Variants in L3MBTL4 observed in about 807,000 individuals in gnomAD.
The protein encoded by L3MBTL4 is lethal(3)malignant brain tumor-like protein 4.
Under a neutral mutation model 84.5 loss-of-function variants are expected in L3MBTL4, and 70 were observed. That is an observed-to-expected ratio of 0.83 (90% CI 0.68 to 1.01). The LOEUF is 1.01. L3MBTL4 is among the 50% of genes least tolerant of loss of function. The pLI is 0.00. For synonymous variants in L3MBTL4, 274 were observed against 259.8 expected, an observed-to-expected ratio of 1.05 and a Z score of -0.52; for missense variants, 715 against 754.8, an observed-to-expected ratio of 0.95 and a Z score of 0.62.
intron 1 of L3MBTL4, among the ~76,000 whole-genome samples, chr18:6,338,713 T>C (rs2052461483): frequency 6.6e-6 from 1 of 151,996 alleles, no homozygotes; most frequent in Non-Finnish European, 1.5e-5. Context: ...AGAGTGGATG[T>C]TAGAAACCTA....
chr18:6,304,367 A>C (rs976544904), intron 3 of L3MBTL4, among the ~76,000 whole-genome samples: 2 of 152,250 alleles, frequency 1.3e-5, no homozygotes, highest in African/African-American at 4.8e-5. Context: ...GGTAGATTTC[A>C]CATCCAAAGT....
rs79709535 is a variant in L3MBTL4 at position 6,384,881 on chromosome 18, T to C, written c.-91+29920A>G. Among the ~76,000 whole-genome samples, 1,446 of 152,174 alleles carry C rather than the reference T, an allele frequency of 9.5e-3. 33 individuals are homozygous for C. Among genetic ancestry groups the C allele is most frequent in the African/African-American group, 0.033 (1,353 of 41,516 alleles). Reference sequence around the variant, plus strand: ...GACAAGAAGAGCAAGAGGTATGCCATGTTCAAAAGAGAAAGGACAACTCGT... The same window carrying C: ...GACAAGAAGAGCAAGAGGTATGCCACGTTCAAAAGAGAAAGGACAACTCGT... On this transcript the variant is annotated intron_variant, in intron 1 of 18. Transcript: ENST00000317931.
chr18:6,399,053 T>C (rs940109815), intron 1 of L3MBTL4, among the ~76,000 whole-genome samples: 4 of 152,188 alleles, frequency 2.6e-5, no homozygotes, highest in Non-Finnish European at 1.5e-5. Context: ...TGGTTTCCAA[T>C]GTACTTTTCC....
chr18:6,208,425 G>T (rs1330503516), intron 12 of L3MBTL4, among the ~76,000 whole-genome samples: 1 of 152,176 alleles, frequency 6.6e-6, no homozygotes, highest in Admixed American at 6.5e-5. Context: ...TCCAGTTAAT[G>T]CATTAAATAG....
intron 3 of L3MBTL4, among the ~76,000 whole-genome samples, chr18:6,303,578 G>A (rs762877197): frequency 3.9e-5 from 6 of 152,168 alleles, no homozygotes; most frequent in African/African-American, 1.2e-4. Context: ...TTCTTATATA[G>A]TTTTGGGATA....
chr18:6,131,135 ACTGTTTACTTCCTTTCAAAACACCAAGG>A (rs2144526689), intron 14 of L3MBTL4, among the ~76,000 whole-genome samples: 1 of 152,328 alleles, frequency 6.6e-6, no homozygotes, highest in South Asian at 2.1e-4. Context: ...TATTAAGAAT[ACTGTTTACTTCCTTTCAAAACACCAAGG>A]CTTCAATATC....
intron 12 of L3MBTL4, among the ~76,000 whole-genome samples, chr18:6,207,407 A>G (rs2145729337): frequency 6.6e-6 from 1 of 152,280 alleles, no homozygotes. Context: ...ATTTCCTTAC[A>G]TATGCTACTT....
intron 16 of L3MBTL4, among the ~76,000 whole-genome samples, chr18:6,072,538 A>G (rs2057694483): frequency 6.6e-6 from 1 of 151,920 alleles, no homozygotes; most frequent in Non-Finnish European, 1.5e-5. Context: ...TTTTAGGTGC[A>G]TATATTAAAA....
At chr18:6,297,171 A>G (rs1383726842) in intron 4 of L3MBTL4, among the ~76,000 whole-genome samples, 1 of 152,156 alleles carries the variant, frequency 6.6e-6, no homozygotes, top group Non-Finnish European at 1.5e-5. Context: ...ATAGACACAG[A>G]TGGTGGGGAC....
At chr18:5,965,985 G>T (rs1417307943) in intron 17 of L3MBTL4, among the ~76,000 whole-genome samples, 1 of 152,116 alleles carries the variant, frequency 6.6e-6, no homozygotes, top group Non-Finnish European at 1.5e-5. Context: ...AAGCTCTAAG[G>T]CCTCTCCCAG....
intron 9 of L3MBTL4, 22 bp from the exon 10 acceptor site, chr18:6,238,062 T>C: frequency 6.2e-7 from 1 of 1,604,740 alleles, no homozygotes; most frequent in Non-Finnish European, 8.5e-7. Flanking sequence ...GAGCTCTATA[T>C]TACGTTCCGT....
intron 16 of L3MBTL4, among the ~76,000 whole-genome samples, chr18:5,990,896 A>AT (rs1358256649): frequency 6.6e-6 from 1 of 152,048 alleles, no homozygotes; most frequent in Non-Finnish European, 1.5e-5. Flanking sequence ...AGTGAGATAC[A>AT]TGTGTAAAGC....
intron 3 of L3MBTL4, among the ~76,000 whole-genome samples, chr18:6,307,349 A>G (rs1208961097): frequency 6.6e-6 from 1 of 151,666 alleles, no homozygotes; most frequent in East Asian, 1.9e-4. Flanking sequence ...AGGCAAGAGA[A>G]TCGCTTGAAC....
At chr18:6,387,504 T>C (rs1474412064) in intron 1 of L3MBTL4, among the ~76,000 whole-genome samples, 2 of 152,178 alleles carry the variant, frequency 1.3e-5, no homozygotes, top group African/African-American at 4.8e-5. Context: ...CAGAAGTACA[T>C]ACATATTTGA....
chr18:6,030,770 C>T, intron 16 of L3MBTL4: 1 of 983,552 alleles, frequency 1.0e-6, no homozygotes, highest in Non-Finnish European at 1.2e-6. Context: ...TAAGATTTTT[C>T]TGGCTTGAAG....
At chr18:5,982,591 A>G (rs1373654915) in intron 16 of L3MBTL4, among the ~76,000 whole-genome samples, 1 of 152,222 alleles carries the variant, frequency 6.6e-6, no homozygotes, top group Non-Finnish European at 1.5e-5. Flanking sequence ...TGCCCCGTAC[A>G]GAGTCAACGG....
intron 7 of L3MBTL4, among the ~76,000 whole-genome samples, chr18:6,242,593 C>A (rs2047497138): frequency 6.6e-6 from 1 of 152,114 alleles, no homozygotes; most frequent in African/African-American, 2.4e-5. Flanking sequence ...CAAGGGACAC[C>A]CTGAGTGGAT....
rs7235452 is a variant in L3MBTL4, at chr18:6,056,817, G to A, written c.1444+24064C>T. 3.2e-3 allele frequency among the ~76,000 whole-genome samples: 485 copies of A among 152,232 alleles called. 2 individuals are homozygous for A. Among genetic ancestry groups the A allele is most frequent in the African/African-American group, 0.011 (462 of 41,550 alleles). ...CTCTGTCATTATTGAGCTGTGTGAC[G>A]TTGGGTAAATCACCTGCTCTGCAGA... On this transcript the variant is annotated intron_variant, in intron 16 of 18. Transcript: ENST00000317931.
chr18:6,292,944 C>G (rs1474423521), intron 4 of L3MBTL4, among the ~76,000 whole-genome samples: 6 of 152,162 alleles, frequency 3.9e-5, no homozygotes, highest in Non-Finnish European at 8.8e-5. Context: ...CAAAACTTTA[C>G]TAGTGCCAAA....
Sources: allele counts gnomAD v4.1 joint callset (sites outside exome capture counted in the v4.1 genomes callset), GRCh38; gene constraint gnomAD v4.1.1; transcripts MANE v1.5; gene names NCBI Gene and HGNC (gene_info 2026-07-23, HGNC 2026-07-21).